KLRG1: variants seen among roughly 807,000 people sequenced by gnomAD.
KLRG1 encodes killer cell lectin-like receptor subfamily G member 1.
A neutral mutation model predicts 21.8 loss-of-function variants in KLRG1; 16 were observed. The observed-to-expected ratio is 0.73, with a 90% CI of 0.50 to 1.11. The LOEUF (loss-of-function observed/expected upper bound fraction) is 1.11, where lower values mean the gene tolerates loss of function less well. Among genes scored for constraint, KLRG1 ranks in the 50% most tolerant of loss-of-function variants. The pLI, the probability that KLRG1 is intolerant of heterozygous loss-of-function variation, is 0.00. For synonymous variants in KLRG1, 69 were observed against 75.9 expected (o/e 0.91, Z 0.47); for missense variants, 173 against 218.3 (o/e 0.79, Z 1.31).
the KLRG1 span, among the ~76,000 whole-genome samples, chr12:9,055,321 C>A: frequency 6.6e-6 from 1 of 152,160 alleles, no homozygotes; most frequent in Non-Finnish European, 1.5e-5. Context: ...AAAAATGTTT[C>A]CACTCAGATA....
At chr12:9,027,831 T>C in the KLRG1 span, 7 of 1,082,324 alleles carry the variant, frequency 6.5e-6, no homozygotes, top group Non-Finnish European at 1.4e-6. Context: ...CATGAAGTTT[T>C]CTCCACTACC....
At chr12:9,112,198 A>T in the KLRG1 span, 2 of 1,613,890 alleles carry the variant, frequency 1.2e-6, no homozygotes, top group Non-Finnish European at 1.7e-6. Context: ...CCATGGAGAC[A>T]ACACGAAATT....
chr12:9,072,778 C>A, the KLRG1 span: 1 of 1,614,196 alleles, frequency 6.2e-7, no homozygotes, highest in South Asian at 1.1e-5. Flanking sequence ...GAAAATGTCC[C>A]TGAAGACTGG....
intron 1 of KLRG1, among the ~76,000 whole-genome samples, chr12:8,965,108 C>T (rs1271286857): frequency 6.6e-6 from 1 of 152,156 alleles, no homozygotes; most frequent in Non-Finnish European, 1.5e-5. Flanking sequence ...TCAATAGATG[C>T]AGAAAAGGCC....
chr12:9,208,378 T>C, the KLRG1 span: 1 of 1,562,004 alleles, frequency 6.4e-7, no homozygotes, highest in Non-Finnish European at 8.8e-7. Flanking sequence ...TCCAACTCTC[T>C]GCCCTCAGCC....
chr12:9,198,387 CA>C, the KLRG1 span, among the ~76,000 whole-genome samples: 2 of 152,132 alleles, frequency 1.3e-5, no homozygotes, highest in Non-Finnish European at 2.9e-5. Flanking sequence ...TATTTTCTAT[CA>C]TTCTTCTTTA....
At chr12:9,206,936 C>T in the KLRG1 span, among the ~76,000 whole-genome samples, 1 of 152,164 alleles carries the variant, frequency 6.6e-6, no homozygotes, top group Non-Finnish European at 1.5e-5. Flanking sequence ...AAAATAGCCT[C>T]CACATATTCC....
At chr12:9,067,966 C>G in the KLRG1 span, 2 of 1,048,838 alleles carry the variant, frequency 1.9e-6, no homozygotes, top group African/African-American at 1.6e-5. Flanking sequence ...GAAACCAAAT[C>G]TATTCCAAAT....
chr12:9,151,712 A>G, the KLRG1 span: 9 of 1,521,614 alleles, frequency 5.9e-6, no homozygotes, highest in Non-Finnish European at 8.2e-6. Flanking sequence ...GTTAGAGAAC[A>G]GATGTGAGAA....
the KLRG1 span, among the ~76,000 whole-genome samples, chr12:9,189,978 A>G: frequency 6.6e-6 from 1 of 152,192 alleles, no homozygotes; most frequent in Admixed American, 6.5e-5. Context: ...GCTATTATTA[A>G]GAGTCAAAAA....
chr12:9,176,181 A>G, the KLRG1 span, among the ~76,000 whole-genome samples: 3 of 152,236 alleles, frequency 2.0e-5, no homozygotes, highest in Non-Finnish European at 4.4e-5. Flanking sequence ...GCTGAAAGCC[A>G]TTATCCTCAG....
At chr12:9,067,905 C>G in the KLRG1 span, 833 of 1,479,700 alleles carry the variant, frequency 5.6e-4, 4 homozygotes, top group African/African-American at 0.01. Flanking sequence ...AGTATTCTTT[C>G]CCTTAGTTCT....
At chr12:9,038,490 G>A in the KLRG1 span, among the ~76,000 whole-genome samples, 4 of 152,186 alleles carry the variant, frequency 2.6e-5, no homozygotes, top group South Asian at 2.1e-4. Flanking sequence ...AACTGGTTAC[G>A]GACTTTAACG....
the KLRG1 span, chr12:9,149,524 TGC>T: frequency 7.6e-6 from 12 of 1,580,852 alleles, no homozygotes; most frequent in African/African-American, 1.5e-4. Flanking sequence ...AGTGGGTTAA[TGC>T]CATCTAGTAC....
At chr12:9,039,103 T>C in the KLRG1 span, among the ~76,000 whole-genome samples, 1 of 152,242 alleles carries the variant, frequency 6.6e-6, no homozygotes, top group Non-Finnish European at 1.5e-5. Flanking sequence ...CTGATTGCAA[T>C]ATATGAATTC....
upstream of KLRG1, among the ~76,000 whole-genome samples, chr12:8,987,906 C>T (rs143364611): frequency 3.3e-3 from 505 of 152,210 alleles, 2 homozygotes; most frequent in African/African-American, 0.012. Context: ...ATATTAAGGG[C>T]GTGAAAATTT....
chr12:9,200,623 T>C, the KLRG1 span, among the ~76,000 whole-genome samples: 8 of 152,336 alleles, frequency 5.3e-5, no homozygotes, highest in East Asian at 1.5e-3. Context: ...TCTAACTGAC[T>C]TCTTGAGCAC....
chr12:8,995,038 C>T (rs1333618303), intron 2 of KLRG1, 81 bp from the exon 3 acceptor site: 11 of 1,317,754 alleles, frequency 8.3e-6, no homozygotes, highest in Admixed American at 4.9e-5. Context: ...CCCAGGGCTG[C>T]CATATTCCAT....
At chr12:9,152,620 C>A in the KLRG1 span, among the ~76,000 whole-genome samples, 4 of 152,162 alleles carry the variant, frequency 2.6e-5, no homozygotes, top group African/African-American at 9.7e-5. Flanking sequence ...CTATACAGTT[C>A]ATTTGTTATT....
Sources: gnomAD v4.1 joint callset for allele counts (sites outside exome capture counted in the v4.1 genomes callset) on GRCh38, gnomAD v4.1.1 for gene constraint, MANE v1.5 for transcripts, NCBI Gene and HGNC (gene_info 2026-07-23, HGNC 2026-07-21) for gene names.